The following TAF1C variants were observed in gnomAD, a reference collection of about 807,000 sequenced individuals.
TAF1C encodes the protein TATA box-binding protein-associated factor RNA polymerase I subunit C.
TAF1C carries 79 observed loss-of-function variants against 70.5 expected under a neutral mutation model. That is an observed-to-expected ratio of 1.12 (90% confidence interval 0.93 to 1.35). The LOEUF is 1.35. Among genes scored for constraint, TAF1C ranks in the 40% most tolerant of loss-of-function variants. The pLI is 0.00. For synonymous variants in TAF1C, 614 were observed against 491.1 expected (o/e 1.25, Z -3.31); for missense variants, 1,412 against 1,127.8 (o/e 1.25, Z -3.61).
At position 84,177,988 on chromosome 16, in the gene TAF1C, C is replaced by A; in HGVS notation, c.*953G>T. On this transcript the variant is annotated 3_prime_UTR_variant, in exon 15 of 15. Coordinates refer to ENST00000566732, the MANE Select transcript of TAF1C (RefSeq NM_001243156.2). Reference sequence around the variant, plus strand: ...ACATGCAATTCCTTTCACCAGCCAACCTGAAAAAAGACCTTTCTCTTACTA... The same window carrying A: ...ACATGCAATTCCTTTCACCAGCCAAACTGAAAAAAGACCTTTCTCTTACTA... 1.4e-6 allele frequency: 1 copy of A among 730,990 alleles called. No homozygotes were observed. The highest frequency in any genetic ancestry group is 2.4e-6 in the Non-Finnish European group (1 of 418,538). The allele number at this position is 730,990 out of a possible 1,614,324, so 45.3% of individuals were successfully genotyped here. A position where few individuals can be genotyped will look rare whatever the true frequency, so the allele number is the denominator to read the frequency against.
rs371742042 is a variant in TAF1C at position 84,180,992 on chromosome 16, C to G, written c.1308+51G>C. 3.1e-5 allele frequency: 48 copies of G among 1,551,876 alleles called. No individual in the cohort carries two copies. In the African/African-American group the frequency reaches 5.6e-4, roughly 18 times the overall value. On this transcript the variant is annotated intron_variant, in intron 12 of 14. Transcript: ENST00000566732. ...GCTGGTAAGCAGCAGCCTCTAGTGA[C>G]CATCTGAGACAGAGCAGAGGTGGGG...
At chr16:84,180,906 C>T in intron 12 of TAF1C, 137 bp downstream of exon 12, 2 of 1,439,492 alleles carry the variant, frequency 1.4e-6, no homozygotes, top group Non-Finnish European at 1.8e-6. Context: ...CGTGTTTGGG[C>T]CACAGATTCA....
Position 84,182,469 on chromosome 16 carries a change from A to G in TAF1C, c.483-29T>C. On this transcript the variant is annotated intron_variant, in intron 6 of 14. Transcript: ENST00000566732. This position sits in a 1 kb window ranked among gnomAD's most constrained non-coding sequence, Gnocchi z 5.0. ...GGGACCAGAGAACAGCAGGAGGATC[A>G]CTCGGTGGCACTCAGGGGAGGACAG... 6.3e-7 allele frequency: 1 copy of G among 1,574,956 alleles called. No homozygotes were observed. The highest frequency in any genetic ancestry group is 1.1e-5 in the South Asian group (1 of 87,838).
In TAF1C at chr16:84,181,629, G is replaced by A. The variant is rs752689490; in HGVS notation, c.991C>T (p.Arg331Cys). The stretch of plus-strand genomic sequence containing the variant: ...CTCCACAGGCAGACGGCTCCCGAGC[G>A]GCTGCAGATGGCCAGCTCCCCGGGC... ...HLPGELAICS[R>C]SGAVCLWSPE... Residue 331 changes from arginine to cysteine, a missense_variant, in exon 10 of 15, where the codon CGC becomes TGC. Coordinates refer to ENST00000566732, the MANE Select transcript of TAF1C (RefSeq NM_001243156.2). 103 of 1,613,660 alleles carry A rather than the reference G, an allele frequency of 6.4e-5. No individual in the cohort carries two copies. In the South Asian group the frequency reaches 7.5e-4, roughly 12 times the overall value.
Position 84,181,201 on chromosome 16 carries a change from C to G in TAF1C, c.1165-15G>C. The stretch of plus-strand genomic sequence containing the variant: ...CCCGGCGGGCCCTGGAAGATAAACA[C>G]AGGGTCAGCCCTCCCCACAGTCCCA... On this transcript the variant is annotated splice_polypyrimidine_tract_variant and intron_variant, in intron 11 of 14. Transcript: ENST00000566732. 6.3e-7 allele frequency: 1 copy of G among 1,598,726 alleles called. No homozygotes were observed.
At chr16:84,184,814 C>A (rs1193039900) in intron 2 of TAF1C, 37 bp downstream of exon 2, 1 of 1,567,036 alleles carries the variant, frequency 6.4e-7, no homozygotes, top group Non-Finnish European at 8.7e-7. Context: ...GAAGGGATGT[C>A]CCTGGAGCTG....
chr16:84,185,168 GCCAACCA>G, intron 1 of TAF1C, 108 bp from the exon 2 acceptor site: 1 of 670,928 alleles, frequency 1.5e-6, no homozygotes, highest in South Asian at 2.5e-5. Context: ...CTGTATTAAA[GCCAACCA>G]CCCGTCCAGG....
Position 84,179,304 on chromosome 16 carries a change from CCGCCTGGT to C in TAF1C, c.2161_2168del (p.Thr721AlafsTer28). The C allele has an allele frequency of 6.3e-7, 1 of 1,596,814 alleles. No homozygotes were observed. The highest frequency in any genetic ancestry group is 1.1e-5 in the South Asian group (1 of 90,254). On this transcript the variant is annotated frameshift_variant, in exon 15 of 15. Coordinates refer to ENST00000566732, the MANE Select transcript of TAF1C (RefSeq NM_001243156.2). LOFTEE classifies it low-confidence loss of function (END_TRUNC). ...TGGACAGCTGGGTCCGGCGCTTGGG[CCGCCTGGT>C]CTGTCTCCCGGGCTCCGAGGTCCTG... is the stretch of plus-strand genomic sequence containing the variant.
chr16:84,179,130 G>A lies in TAF1C; in HGVS notation c.2343C>T (p.Val781=), dbSNP rs769831971. 1.6e-5 allele frequency: 25 copies of A among 1,608,642 alleles called. No homozygotes were observed. In the East Asian group the frequency reaches 4.5e-4, roughly 29 times the overall value. The stretch of plus-strand genomic sequence containing the variant: ...GGAGCATCTGCCGCTGCTCTGATGG[G>A]ACGCCCTGGGCGCATGCATCCGGAG... ...ELTPDACAQG[V]PSEQRQMLRD... is the part of the protein sequence containing the mutation. The change falls in exon 15 of 15, where the codon GTC becomes GTT. Residue 781 remains valine (V), a synonymous_variant. Coordinates refer to ENST00000566732, the MANE Select transcript of TAF1C (RefSeq NM_001243156.2).
chr16:84,183,147 G>A lies in TAF1C; in HGVS notation c.411C>T (p.Ser137=), dbSNP rs751435771. The change falls in exon 6 of 15, where the codon AGC becomes AGT. Residue 137 remains serine (S), a splice_region_variant and synonymous_variant. Transcript: ENST00000566732. ...LENFKLEGAG[S]RTKKKTVVSV... ...TGACCACTGTCTTCTTCTTAGTGCG[G>A]CTCTGCATGGAAAGGCCTTGTCAGG... 3 of 1,614,006 alleles carry A rather than the reference G, an allele frequency of 1.9e-6. No homozygotes were observed. The highest frequency in any genetic ancestry group is 2.5e-6 in the Non-Finnish European group (3 of 1,180,022).
intron 10 of TAF1C, 41 bp downstream of exon 10, chr16:84,181,551 C>T: frequency 1.2e-6 from 2 of 1,613,812 alleles, no homozygotes. Flanking sequence ...GGGCGGAGTT[C>T]AGTTCGTTAG....
chr16:84,186,187 G>A (rs2089477340), intron 1 of TAF1C, among the ~76,000 whole-genome samples: 3 of 152,194 alleles, frequency 2.0e-5, no homozygotes, highest in Non-Finnish European at 4.4e-5. Flanking sequence ...CGATTCAGAG[G>A]CAGAGCTCCG....
intron 11 of TAF1C, 65 bp downstream of exon 11, chr16:84,181,263 C>A: frequency 6.2e-7 from 1 of 1,605,026 alleles, no homozygotes; most frequent in South Asian, 1.1e-5. Context: ...CCGCAGCCAG[C>A]CTGGGACTCA....
At position 84,178,894 on chromosome 16, in the gene TAF1C, A is replaced by C; in HGVS notation, c.*47T>G. 6.6e-7 allele frequency: 1 copy of C among 1,512,524 alleles called. No individual in the cohort carries two copies. Among genetic ancestry groups the C allele is most frequent in the Non-Finnish European group, 8.8e-7 (1 of 1,130,814 alleles). The allele number at this position is 1,512,524 out of a possible 1,614,324, so 93.7% of individuals were successfully genotyped here. On this transcript the variant is annotated 3_prime_UTR_variant, in exon 15 of 15. Transcript: ENST00000566732. ...TGGAAGGCACATCTGGTCCCAGAGG[A>C]AGGATGAGGGGCTCTCTGGGGCTTG...
In TAF1C at chr16:84,178,182, G is replaced by C. The variant is rs1056612; in HGVS notation, c.*759C>G. On this transcript the variant is annotated 3_prime_UTR_variant, in exon 15 of 15. Transcript: ENST00000566732. ...AGGGAGGAAAGAAAGGGGGGAGTCT[G>C]TGAGGCACAACAGAGAATTCCCCCA... 48,574 of 384,478 alleles carry C rather than the reference G, an allele frequency of 0.13. 3,798 individuals are homozygous for C. Among genetic ancestry groups the C allele is most frequent in the African/African-American group, 0.23 (10,883 of 47,658 alleles). 23.8% of individuals were successfully genotyped at this position (384,478 alleles called of 1,614,324 possible). A position where few individuals can be genotyped will look rare whatever the true frequency, so the allele number is the denominator to read the frequency against.
At position 84,179,849 on chromosome 16, in the gene TAF1C, G is replaced by C. The variant is rs777714969; in HGVS notation, c.1624C>G (p.Leu542Val). 6.2e-7 allele frequency: 1 copy of C among 1,606,864 alleles called. No individual in the cohort carries two copies. Among genetic ancestry groups the C allele is most frequent in the South Asian group, 1.1e-5 (1 of 90,750 alleles). Residue 542 changes from leucine to valine, a missense_variant and splice_region_variant, in exon 15 of 15, where the codon CTG becomes GTG. Coordinates refer to ENST00000566732, the MANE Select transcript of TAF1C (RefSeq NM_001243156.2). ...QERLKAPTIG[L>V]AAVVPPLPSA... ...GGCAAGGGCGGGACGACGGCAGCCA[G>C]ACCTGGTGACGGGAATGACAATGAC...
chr16:84,178,253 C>A lies in TAF1C; in HGVS notation c.*688G>T. ...TCTGCTCAGAGGGCACTATCGACAG[C>A]CCACAGGTGCCAGACCCATGTCCCA... On this transcript the variant is annotated 3_prime_UTR_variant, in exon 15 of 15. Transcript: ENST00000566732. 1 of 440,964 alleles carries A rather than the reference C, an allele frequency of 2.3e-6. No individual in the cohort carries two copies. The highest frequency in any genetic ancestry group is 1.6e-5 in the South Asian group (1 of 61,174). The allele number at this position is 440,964 out of a possible 1,614,324, so 27.3% of individuals were successfully genotyped here.
At chr16:84,184,263 C>T (rs1294374483) in intron 2 of TAF1C, among the ~76,000 whole-genome samples, 1 of 152,212 alleles carries the variant, frequency 6.6e-6, no homozygotes, top group Non-Finnish European at 1.5e-5. Context: ...ACGCCAGACC[C>T]TCCCTCGTAA....
At chr16:84,180,811 C>T (rs2089132219) in intron 12 of TAF1C, 7 of 1,369,118 alleles carry the variant, frequency 5.1e-6, no homozygotes, top group Admixed American at 3.2e-5. Flanking sequence ...TGCTCCACCC[C>T]TGGCTGCACC....
Sources: gnomAD v4.1 joint callset for allele counts (sites outside exome capture counted in the v4.1 genomes callset) on GRCh38, gnomAD v4.1.1 for gene constraint, Gnocchi (gnomAD v3.1) non-coding constraint, MANE v1.5 for transcripts, NCBI Gene and HGNC (gene_info 2026-07-23, HGNC 2026-07-21) for gene names.